Variants in TNS1 observed in about 807,000 individuals in gnomAD.
TNS1 encodes the protein tensin 1.
Under a neutral mutation model 168.6 loss-of-function variants are expected in TNS1, and 62 were observed. The ratio of observed to expected loss-of-function variants is 0.37; its 90% CI spans 0.30 to 0.45. The LOEUF is 0.45. Ranked by LOEUF, TNS1 falls within the 20% of genes least tolerant of loss-of-function variation. TNS1 has a pLI of 1.00. For synonymous variants in TNS1, 934 were observed against 933.2 expected (o/e 1.00, Z -0.02); for missense variants, 2,240 against 2,339.4 (o/e 0.96, Z 0.88).
intron 8 of TNS1, among the ~76,000 whole-genome samples, chr2:217,897,190 C>A (rs1362812151): frequency 6.6e-6 from 1 of 152,208 alleles, no homozygotes; most frequent in Admixed American, 6.5e-5. Flanking sequence ...TCCTCTGGGG[C>A]CAAGGACGGA....
In TNS1 at chr2:217,896,243, A is replaced by G. The variant is rs139846033; in HGVS notation, c.544-1187T>C. ...AAGCCAAGCTCTTAACAATGCCCCAATGCAGCTAACAGGTGGGTCTCTATA... is the reference window on the plus strand; with the variant it reads ...AAGCCAAGCTCTTAACAATGCCCCAGTGCAGCTAACAGGTGGGTCTCTATA... On this transcript the variant is annotated intron_variant, in intron 8 of 32. Coordinates refer to ENST00000682258, the MANE Select transcript of TNS1 (RefSeq NM_001387777.1). 4.1e-3 allele frequency among the ~76,000 whole-genome samples: 620 copies of G among 152,368 alleles called. 4 individuals carry two copies. Among genetic ancestry groups the G allele is most frequent in the Non-Finnish European group, 7.1e-3 (481 of 68,038 alleles).
In TNS1 at chr2:217,817,744, T is replaced by C; in HGVS notation, c.4588A>G (p.Ser1530Gly). 1 of 1,612,722 alleles carries C rather than the reference T, an allele frequency of 6.2e-7. No individual in the cohort carries two copies. The highest frequency in any genetic ancestry group is 1.1e-5 in the South Asian group (1 of 91,016). ...ASGMSSPSGG[S>G]TVSFSHTLPD... ...AGAGTGTGGGAGAAGGAGACGGTGC[T>C]GCCCCCACTGGGACTGGACATGCCG... Residue 1530 changes from serine to glycine, a missense_variant, in exon 24 of 33, where the codon AGC becomes GGC. Physicochemically the swap from Ser to Gly is moderately conservative, Grantham distance 56 (BLOSUM62 0). Coordinates refer to ENST00000682258, the MANE Select transcript of TNS1 (RefSeq NM_001387777.1).
intron 19 of TNS1, among the ~76,000 whole-genome samples, chr2:217,846,878 A>G (rs540523516): frequency 6.6e-6 from 1 of 152,338 alleles, no homozygotes; most frequent in African/African-American, 2.4e-5. Context: ...GACTAACAGG[A>G]AAACTGACTT....
rs569816151 is a variant in TNS1 at position 217,839,985 on chromosome 2, C to G, written c.3008-3774G>C. Among the ~76,000 whole-genome samples the G allele has an allele frequency of 1.2e-3, 183 of 152,354 alleles. 1 individual carries two copies. Among genetic ancestry groups the G allele is most frequent in the South Asian group, 5.2e-3 (25 of 4,828 alleles). ...CCACCATCCCAGAACCTGCCCCTACCCAGGCCCAGCTGAACACTACACTCC... is the reference window on the plus strand; with the variant it reads ...CCACCATCCCAGAACCTGCCCCTACGCAGGCCCAGCTGAACACTACACTCC... On this transcript the variant is annotated intron_variant, in intron 19 of 32. Coordinates refer to ENST00000682258, the MANE Select transcript of TNS1 (RefSeq NM_001387777.1).
chr2:217,801,226 G>C lies in TNS1; in HGVS notation c.*3233C>G, dbSNP rs1349851052. 6.6e-6 allele frequency: 1 copy of C among 152,256 alleles called. No individual in the cohort carries two copies. Among genetic ancestry groups the C allele is most frequent in the Non-Finnish European group, 1.5e-5 (1 of 68,076 alleles). 9.4% of individuals were successfully genotyped at this position (152,256 alleles called of 1,614,324 possible). A position where few individuals can be genotyped will look rare whatever the true frequency, so the allele number is the denominator to read the frequency against. The stretch of plus-strand genomic sequence containing the variant: ...AGCCAGAACACCGTGATAGCAGGCT[G>C]ATCAAACCGCTCACTTCCTCCCTGT... On this transcript the variant is annotated 3_prime_UTR_variant, in exon 33 of 33. Coordinates refer to ENST00000682258, the MANE Select transcript of TNS1 (RefSeq NM_001387777.1).
intron 7 of TNS1, 62 bp from the exon 8 acceptor site, chr2:217,898,031 G>C: frequency 1.3e-6 from 2 of 1,518,098 alleles, no homozygotes; most frequent in Non-Finnish European, 1.8e-6. Context: ...GAAGGCCCCA[G>C]ATAGCTGCAC....
chr2:217,990,648 CCACT>C (rs1958341809), intron 2 of TNS1, among the ~76,000 whole-genome samples: 1 of 152,234 alleles, frequency 6.6e-6, no homozygotes, highest in African/African-American at 2.4e-5. Context: ...CACTCACATG[CCACT>C]CATATACCTT....
chr2:217,989,190 C>T (rs1176395756), intron 2 of TNS1, among the ~76,000 whole-genome samples: 1 of 152,094 alleles, frequency 6.6e-6, no homozygotes, highest in Admixed American at 6.5e-5. Flanking sequence ...AAGGCTGAGC[C>T]CACCAGGCCT....
intron 1 of TNS1, among the ~76,000 whole-genome samples, chr2:218,025,577 C>T (rs193128653): frequency 6.9e-6 from 1 of 145,706 alleles, no homozygotes; most frequent in East Asian, 2.0e-4. Flanking sequence ...AAATCCATTG[C>T]TGTGTTTGCT....
rs370209843 is a variant in TNS1 at position 217,833,121 on chromosome 2, T to C, written c.3281-1574A>G. 2.7e-4 allele frequency among the ~76,000 whole-genome samples: 41 copies of C among 152,340 alleles called. 1 individual carries two copies. Among genetic ancestry groups the C allele is most frequent in the African/African-American group, 8.9e-4 (37 of 41,578 alleles). ...GCCTGGCCTCAGAGACGGTCATTCA[T>C]GGAATAACCACGAAGCAGCCCCAGC... On this transcript the variant is annotated intron_variant, in intron 21 of 32. Transcript: ENST00000682258.
Position 217,825,219 on chromosome 2 carries a change from C to G in TNS1, c.3374-3281G>C, listed in dbSNP as rs182037048. On this transcript the variant is annotated intron_variant, in intron 22 of 32. Transcript: ENST00000682258. ...ATCCAGACCCCCTTAGTCTCTGGCT[C>G]AGGATAGCTTTGGCCTTTGGCTAGT... Among the ~76,000 whole-genome samples, 612 of 152,294 alleles carry G rather than the reference C, an allele frequency of 4.0e-3. 15 individuals are homozygous for G. Among genetic ancestry groups the G allele is most frequent in the Admixed American group, 2.7e-3 (41 of 15,304 alleles).
In TNS1 at chr2:217,886,612, A is replaced by G; in HGVS notation, c.901T>C (p.Ser301Pro). Residue 301 changes from serine to proline, a missense_variant, in exon 13 of 33, where the codon TCC becomes CCC. Ser to Pro is a moderately conservative substitution (Grantham distance 74). Around this residue, in one of 2 missense-constraint regions of TNS1, gnomAD observed 2,131 missense variants for 2,171.2 expected, o/e 0.98. Coordinates refer to ENST00000682258, the MANE Select transcript of TNS1 (RefSeq NM_001387777.1). ...VHYFSGLLSGSIKMNNKPLFL... is the reference protein window; with the variant it reads ...VHYFSGLLSGPIKMNNKPLFL... ...AAGGGCTTGTTGTTCATTTTGATGGAGCCGGAGAGCAGGCCACTGAAGTAA... is the reference window on the plus strand; with the variant it reads ...AAGGGCTTGTTGTTCATTTTGATGGGGCCGGAGAGCAGGCCACTGAAGTAA... The G allele has an allele frequency of 2.5e-6, 4 of 1,599,284 alleles. No homozygotes were observed. The highest frequency in any genetic ancestry group is 3.4e-6 in the Non-Finnish European group (4 of 1,173,118).
intron 3 of TNS1, among the ~76,000 whole-genome samples, chr2:217,923,294 A>G (rs947489399): frequency 1.3e-5 from 2 of 152,222 alleles, no homozygotes; most frequent in African/African-American, 2.4e-5. Context: ...CCATTTAGAC[A>G]TTGGGAACTG....
chr2:217,827,749 C>G (rs1943825948), intron 22 of TNS1, among the ~76,000 whole-genome samples: 1 of 152,310 alleles, frequency 6.6e-6, no homozygotes, highest in South Asian at 2.1e-4. Flanking sequence ...TGAGTTAACC[C>G]CTAAGAACCT....
chr2:217,982,594 G>A (rs1958083502), intron 2 of TNS1, among the ~76,000 whole-genome samples: 1 of 151,916 alleles, frequency 6.6e-6, no homozygotes, highest in Admixed American at 6.6e-5. Flanking sequence ...TGTAGAGAGA[G>A]GGTTTTGCCA....
At chr2:218,021,039 G>C (rs1958802532) in intron 1 of TNS1, among the ~76,000 whole-genome samples, 1 of 152,198 alleles carries the variant, frequency 6.6e-6, no homozygotes, top group East Asian at 1.9e-4. Flanking sequence ...AACAAAAAAG[G>C]CCTTGGAACT....
intron 3 of TNS1, among the ~76,000 whole-genome samples, chr2:217,961,235 T>TCACACACA (rs146341310): frequency 3.5e-5 from 5 of 144,848 alleles, no homozygotes; most frequent in Non-Finnish European, 7.5e-5. Flanking sequence ...TCTCTCTCTC[T>TCACACACA]CACACACACA....
chr2:217,993,794 G>T (rs1484345114), intron 1 of TNS1, among the ~76,000 whole-genome samples: 1 of 152,242 alleles, frequency 6.6e-6, no homozygotes, highest in Admixed American at 6.5e-5. Context: ...AGCGGGGCTG[G>T]TCAGGTAAGA....
intron 7 of TNS1, among the ~76,000 whole-genome samples, chr2:217,899,357 C>A (rs1020891043): frequency 1.3e-5 from 2 of 152,182 alleles, no homozygotes; most frequent in Admixed American, 1.3e-4. Flanking sequence ...GGAGAAGTTT[C>A]TATCTCAAGC....
Sources: allele counts gnomAD v4.1 joint callset (sites outside exome capture counted in the v4.1 genomes callset), GRCh38; gene constraint gnomAD v4.1.1; regional missense constraint gnomAD v4.1.1; transcripts MANE v1.5; gene names NCBI Gene and HGNC (gene_info 2026-07-23, HGNC 2026-07-21).